MGAT4C: variants seen among roughly 807,000 people sequenced by gnomAD.
MGAT4C encodes the protein MGAT4 family member C.
A neutral mutation model predicts 40.1 loss-of-function variants in MGAT4C; 19 were observed. The ratio of observed to expected loss-of-function variants is 0.47; its 90% confidence interval spans 0.33 to 0.70. The LOEUF is 0.70. Ranked by LOEUF, MGAT4C falls within the 30% of genes least tolerant of loss-of-function variation. The pLI is 0.02. For synonymous variants in MGAT4C, 181 were observed against 187.1 expected, an observed-to-expected ratio of 0.97 and a Z score of 0.27; for missense variants, 491 against 563.2, an observed-to-expected ratio of 0.87 and a Z score of 1.30.
At position 85,974,754 on chromosome 12, in the gene MGAT4C, A is replaced by T. The variant is rs890522523; in HGVS notation, c.*4535T>A. 6.6e-6 allele frequency: 1 copy of T among 150,662 alleles called. No individual in the cohort carries two copies. Among genetic ancestry groups the T allele is most frequent in the Non-Finnish European group, 1.5e-5 (1 of 66,952 alleles). The allele number at this position is 150,662 out of a possible 1,614,324, so 9.3% of individuals were successfully genotyped here. On this transcript the variant is annotated 3_prime_UTR_variant, in exon 5 of 5. Transcript: ENST00000611864. ...TGTTATGGCCTTTTTCTTCCTAAAA[A>T]GAATAACCCCAATCTGAACAAAGAA...
intron 2 of MGAT4C, chr12:86,001,975 CCT>C (rs944262309): frequency 1.3e-5 from 2 of 152,122 alleles, no homozygotes; most frequent in African/African-American, 4.8e-5. Flanking sequence ...CGAAGTGAGT[CCT>C]CTGAGATCTC....
intron 1 of MGAT4C, among the ~76,000 whole-genome samples, chr12:86,206,845 G>T (rs1950276836): frequency 6.6e-6 from 1 of 152,080 alleles, no homozygotes; most frequent in African/African-American, 2.4e-5. Context: ...TAAAATATAT[G>T]GTCAAAGCAC....
chr12:86,238,468 T>C (rs956051842), intron 1 of MGAT4C, among the ~76,000 whole-genome samples: 8 of 152,018 alleles, frequency 5.3e-5, no homozygotes, highest in Admixed American at 2.0e-4. Context: ...TAAGGTTTAT[T>C]TGAATTCAGC....
chr12:86,028,559 A>C (rs746095037), intron 2 of MGAT4C, among the ~76,000 whole-genome samples: 17 of 151,980 alleles, frequency 1.1e-4, no homozygotes, highest in Non-Finnish European at 2.1e-4. Context: ...TACCTCAGAA[A>C]TGTTCCCTAA....
At chr12:86,605,802 A>G (rs1360714700) in intron 2 of MGAT4C, among the ~76,000 whole-genome samples, 1 of 152,100 alleles carries the variant, frequency 6.6e-6, no homozygotes, top group Non-Finnish European at 1.5e-5. Flanking sequence ...TTTCACTTTC[A>G]TTGGCCAGAT....
At chr12:86,425,156 G>A (rs960107777) in intron 3 of MGAT4C, among the ~76,000 whole-genome samples, 23 of 152,178 alleles carry the variant, frequency 1.5e-4, no homozygotes, top group Admixed American at 1.4e-3. Context: ...AGGCAGCAAT[G>A]TGGTGGCTCC....
chr12:86,804,203 G>T (rs1217659583), intron 1 of MGAT4C, among the ~76,000 whole-genome samples: 1 of 148,484 alleles, frequency 6.7e-6, no homozygotes, highest in African/African-American at 2.5e-5. Flanking sequence ...ACTCATAGGT[G>T]GGAATTGAAC....
intron 1 of MGAT4C, among the ~76,000 whole-genome samples, chr12:86,230,885 T>G (rs1365241407): frequency 1.3e-5 from 2 of 149,010 alleles, no homozygotes; most frequent in South Asian, 4.3e-4. Flanking sequence ...TTTTTTTTAC[T>G]TTTTTCCTAA....
At chr12:86,626,007 C>T (rs1288751505) in intron 2 of MGAT4C, among the ~76,000 whole-genome samples, 2 of 151,924 alleles carry the variant, frequency 1.3e-5, no homozygotes, top group Admixed American at 6.6e-5. Context: ...TACTTTAAAC[C>T]TAAAAATATG....
chr12:86,068,907 G>A (rs935817274), intron 1 of MGAT4C, among the ~76,000 whole-genome samples: 2 of 152,142 alleles, frequency 1.3e-5, no homozygotes, highest in African/African-American at 4.8e-5. Flanking sequence ...TGCACTCTGT[G>A]AAGTCCCTCT....
chr12:86,586,836 T>C (rs1192653180), intron 2 of MGAT4C, among the ~76,000 whole-genome samples: 1 of 152,112 alleles, frequency 6.6e-6, no homozygotes, highest in African/African-American at 2.4e-5. Flanking sequence ...GAGTTCATTG[T>C]AGATTCTGGA....
chr12:86,564,424 G>C (rs1418854978), intron 2 of MGAT4C, among the ~76,000 whole-genome samples: 2 of 151,944 alleles, frequency 1.3e-5, no homozygotes, highest in Non-Finnish European at 2.9e-5. Flanking sequence ...TCATAATCTT[G>C]TTTGGAGTGA....
intron 3 of MGAT4C, among the ~76,000 whole-genome samples, chr12:86,395,882 G>A (rs1592787332): frequency 1.3e-5 from 2 of 152,058 alleles, no homozygotes; most frequent in Non-Finnish European, 2.9e-5. Context: ...AGTACCAGGA[G>A]TTAACAATAC....
chr12:86,579,655 C>T (rs1960703690), intron 2 of MGAT4C, among the ~76,000 whole-genome samples: 1 of 151,414 alleles, frequency 6.6e-6, no homozygotes, highest in Admixed American at 6.6e-5. Flanking sequence ...GAGTCTTGTA[C>T]CTTCAGGACT....
At chr12:86,319,913 A>T (rs1954338179) in intron 4 of MGAT4C, among the ~76,000 whole-genome samples, 1 of 152,212 alleles carries the variant, frequency 6.6e-6, no homozygotes, top group South Asian at 2.1e-4. Context: ...AGAAGAAATG[A>T]AATTTTAATT....
At chr12:86,603,151 C>T (rs921742815) in intron 2 of MGAT4C, among the ~76,000 whole-genome samples, 1 of 148,338 alleles carries the variant, frequency 6.7e-6, no homozygotes, top group Non-Finnish European at 1.5e-5. Flanking sequence ...AAGTTTTAAT[C>T]GGGCAGGATG....
intron 2 of MGAT4C, among the ~76,000 whole-genome samples, chr12:86,491,185 G>C (rs1958125459): frequency 6.6e-6 from 1 of 152,120 alleles, no homozygotes; most frequent in Non-Finnish European, 1.5e-5. Context: ...TCCAGGACCA[G>C]ATGGATTCAC....
At chr12:86,619,500 T>C (rs1396890557) in intron 2 of MGAT4C, among the ~76,000 whole-genome samples, 3 of 152,046 alleles carry the variant, frequency 2.0e-5, no homozygotes, top group African/African-American at 7.2e-5. Flanking sequence ...AAATGTACTC[T>C]CAACACCAAA....
chr12:86,320,134 A>C (rs1954345121), intron 4 of MGAT4C, among the ~76,000 whole-genome samples: 1 of 152,074 alleles, frequency 6.6e-6, no homozygotes, highest in African/African-American at 2.4e-5. Context: ...CTTCTTCTAA[A>C]TCCACTTCTC....
Sources: allele counts gnomAD v4.1 joint callset (sites outside exome capture counted in the v4.1 genomes callset), GRCh38; gene constraint gnomAD v4.1.1; transcripts MANE v1.5; gene names NCBI Gene and HGNC (gene_info 2026-07-23, HGNC 2026-07-21).